LRP1B: variants seen among roughly 807,000 people sequenced by gnomAD.
LRP1B encodes the protein LDL receptor related protein 1B, also known as low-density lipoprotein receptor-related protein 1B.
Under a neutral mutation model 556.6 loss-of-function variants are expected in LRP1B, and 217 were observed. That is an observed-to-expected ratio of 0.39 (90% CI 0.35 to 0.44). The LOEUF is 0.44. Among genes scored for constraint, LRP1B ranks in the 20% least tolerant of loss-of-function variants. The pLI is 1.00. For synonymous variants in LRP1B, 2,047 were observed against 1,865.8 expected, an observed-to-expected ratio of 1.10 and a Z score of -2.50; for missense variants, 5,053 against 5,620.8, an observed-to-expected ratio of 0.90 and a Z score of 3.23.
intron 7 of LRP1B, among the ~76,000 whole-genome samples, chr2:141,134,088 C>T (rs1317836110): frequency 6.6e-6 from 1 of 151,786 alleles, no homozygotes; most frequent in Non-Finnish European, 1.5e-5. Context: ...CAAGAAATTC[C>T]CCTACCCGCC....
chr2:141,446,522 T>C (rs1035752334), intron 3 of LRP1B, among the ~76,000 whole-genome samples: 1 of 152,210 alleles, frequency 6.6e-6, no homozygotes, highest in African/African-American at 2.4e-5. Context: ...CTTTACAATT[T>C]GGTATGTTTT....
chr2:141,553,896 ATATTAATATAGTTATATAATATATC>A (rs1685854297), intron 2 of LRP1B, among the ~76,000 whole-genome samples: 1 of 112,382 alleles, frequency 8.9e-6, no homozygotes. Flanking sequence ...TAATATATCT[ATATTAATATAGTTATATAATATATC>A]TATATTAATA....
At chr2:141,268,511 T>C (rs1389979524) in intron 3 of LRP1B, among the ~76,000 whole-genome samples, 1 of 152,084 alleles carries the variant, frequency 6.6e-6, no homozygotes, top group Non-Finnish European at 1.5e-5. Flanking sequence ...AATTTTGATA[T>C]GAATGTCACT....
chr2:141,399,330 C>T (rs1278426670), intron 3 of LRP1B, among the ~76,000 whole-genome samples: 1 of 152,076 alleles, frequency 6.6e-6, no homozygotes, highest in African/African-American at 2.4e-5. Flanking sequence ...ATGAGATGTA[C>T]CTTACATGTA....
At chr2:141,961,813 A>G (rs1056976259) in intron 1 of LRP1B, among the ~76,000 whole-genome samples, 1 of 151,738 alleles carries the variant, frequency 6.6e-6, no homozygotes, top group African/African-American at 2.4e-5. Context: ...AGGTGAAGCC[A>G]CCAATGCCCA....
chr2:142,102,880 A>T (rs1368205148), intron 1 of LRP1B, among the ~76,000 whole-genome samples: 1 of 151,950 alleles, frequency 6.6e-6, no homozygotes, highest in Non-Finnish European at 1.5e-5. Flanking sequence ...GTGGACAAAA[A>T]TAACTAAGAA....
At chr2:141,151,075 T>C (rs1701912255) in intron 7 of LRP1B, among the ~76,000 whole-genome samples, 1 of 152,172 alleles carries the variant, frequency 6.6e-6, no homozygotes. Flanking sequence ...ACAACATGCG[T>C]ATCAGACAGA....
At chr2:141,725,750 G>A (rs901751035) in intron 2 of LRP1B, among the ~76,000 whole-genome samples, 2 of 151,722 alleles carry the variant, frequency 1.3e-5, no homozygotes, top group Non-Finnish European at 3.0e-5. Context: ...TACGGGCTAA[G>A]AGGATGTAGC....
intron 18 of LRP1B, among the ~76,000 whole-genome samples, chr2:140,979,734 C>T (rs13032395): frequency 0.15 from 22,258 of 152,042 alleles, 1,685 homozygotes; most frequent in East Asian, 0.26. Context: ...ATCTGCACCC[C>T]ATGCAAGGAT....
intron 2 of LRP1B, among the ~76,000 whole-genome samples, chr2:141,674,070 C>T (rs1026926733): frequency 3.9e-5 from 6 of 152,012 alleles, no homozygotes; most frequent in Admixed American, 2.6e-4. Flanking sequence ...AATCCATTCC[C>T]TCCATTGTTA....
intron 46 of LRP1B, 30 bp from the exon 47 acceptor site, chr2:140,534,170 A>C: frequency 6.3e-7 from 1 of 1,587,574 alleles, no homozygotes; most frequent in Non-Finnish European, 8.6e-7. Flanking sequence ...ACACACAACC[A>C]GAGATCATAT....
chr2:142,106,260 A>G (rs1706743149), intron 1 of LRP1B, among the ~76,000 whole-genome samples: 1 of 152,218 alleles, frequency 6.6e-6, no homozygotes, highest in Non-Finnish European at 1.5e-5. Context: ...AGATTGCAAA[A>G]TTGGATAATT....
chr2:140,547,135 C>A (rs1252256950), intron 43 of LRP1B, among the ~76,000 whole-genome samples: 2 of 152,070 alleles, frequency 1.3e-5, no homozygotes, highest in Non-Finnish European at 2.9e-5. Context: ...GTATCTCTAC[C>A]AGGTTTTGGT....
chr2:141,641,929 A>G (rs1454110782), intron 2 of LRP1B, among the ~76,000 whole-genome samples: 1 of 152,126 alleles, frequency 6.6e-6, no homozygotes, highest in Non-Finnish European at 1.5e-5. Context: ...TCTGCTTGCA[A>G]TTCAACATGG....
At chr2:141,360,618 C>T (rs1275830366) in intron 3 of LRP1B, among the ~76,000 whole-genome samples, 2 of 152,114 alleles carry the variant, frequency 1.3e-5, no homozygotes, top group Admixed American at 6.5e-5. Flanking sequence ...ACTGTACTAC[C>T]TCAATTTCAG....
chr2:141,205,497 G>A (rs1028796632), intron 6 of LRP1B, among the ~76,000 whole-genome samples: 2 of 152,076 alleles, frequency 1.3e-5, no homozygotes, highest in African/African-American at 4.8e-5. Flanking sequence ...AAATAATTTT[G>A]CCTCTATTAT....
At chr2:140,651,526 T>TAAAAAAAAAAAAAAAAAAA (rs558677783) in intron 41 of LRP1B, among the ~76,000 whole-genome samples, 1 of 107,028 alleles carries the variant, frequency 9.3e-6, no homozygotes, top group Non-Finnish European at 1.8e-5. Context: ...ATACAAAAAT[T>TAAAAAAAAAAAAAAAAAAA]AAAAAAAAAA....
At chr2:141,446,573 C>T (rs994168200) in intron 3 of LRP1B, among the ~76,000 whole-genome samples, 17 of 152,110 alleles carry the variant, frequency 1.1e-4, no homozygotes, top group African/African-American at 3.9e-4. Flanking sequence ...ATATTTAGTG[C>T]TTCCTTCAGG....
chr2:141,157,750 G>A (rs926719833), intron 7 of LRP1B, among the ~76,000 whole-genome samples: 4 of 152,074 alleles, frequency 2.6e-5, no homozygotes, highest in Middle Eastern at 3.4e-3. Context: ...GTTTAACATC[G>A]CTGAGAAAAG....
Sources: gnomAD v4.1 joint callset for allele counts (sites outside exome capture counted in the v4.1 genomes callset) on GRCh38, gnomAD v4.1.1 for gene constraint, MANE v1.5 for transcripts, NCBI Gene and HGNC (gene_info 2026-07-23, HGNC 2026-07-21) for gene names.